The following HRH1 variants were observed in gnomAD, a reference collection of about 807,000 sequenced individuals.
HRH1 encodes histamine H1 receptor.
HRH1 carries 6 observed loss-of-function variants against 10.3 expected under a neutral mutation model. That is an observed-to-expected ratio of 0.58 (90% CI 0.32 to 1.15). HRH1 has a LOEUF of 1.15. Among genes scored for constraint, HRH1 ranks in the 50% most tolerant of loss-of-function variants. The pLI is 0.05. For missense variants in HRH1, 514 were observed against 615.3 expected (o/e 0.84, Z 1.74); for synonymous variants, 242 against 236.7 (o/e 1.02, Z -0.21).
intron 1 of HRH1, among the ~76,000 whole-genome samples, chr3:11,202,740 C>G (rs961215872): frequency 3.9e-5 from 6 of 152,206 alleles, no homozygotes; most frequent in African/African-American, 1.4e-4. Flanking sequence ...TTTGTTACCA[C>G]GGATGAGCCT....
intron 1 of HRH1, among the ~76,000 whole-genome samples, chr3:11,216,175 A>G (rs1397822290): frequency 1.3e-5 from 2 of 152,206 alleles, no homozygotes; most frequent in Non-Finnish European, 2.9e-5. Flanking sequence ...AAGGATGAGA[A>G]TCTAAAATGG....
intron 1 of HRH1, among the ~76,000 whole-genome samples, chr3:11,222,899 C>T (rs925823677): frequency 5.9e-5 from 9 of 152,054 alleles, no homozygotes; most frequent in East Asian, 1.9e-4. Flanking sequence ...AAAATGCAGA[C>T]GCTCCAGCCG....
chr3:11,139,015 T>G (rs1256510001), intron 1 of HRH1, among the ~76,000 whole-genome samples: 1 of 132,888 alleles, frequency 7.5e-6, no homozygotes, highest in Non-Finnish European at 1.6e-5. Flanking sequence ...TAGAAAGAAT[T>G]TTGCTCTTGT....
intron 1 of HRH1, among the ~76,000 whole-genome samples, chr3:11,229,745 G>T (rs932268200): frequency 6.6e-6 from 1 of 152,022 alleles, no homozygotes; most frequent in Admixed American, 6.5e-5. Context: ...TTGTCATCTT[G>T]TTTATGCCTA....
intron 1 of HRH1, among the ~76,000 whole-genome samples, chr3:11,178,677 T>C (rs545990929): frequency 6.6e-6 from 1 of 152,282 alleles, no homozygotes; most frequent in African/African-American, 2.4e-5. Context: ...CTTGCCTTGG[T>C]TGGGCCAACT....
At chr3:11,173,010 C>T (rs770898035) in intron 1 of HRH1, among the ~76,000 whole-genome samples, 4 of 152,090 alleles carry the variant, frequency 2.6e-5, no homozygotes, top group Non-Finnish European at 5.9e-5. Context: ...TTTTGGCGAA[C>T]CTTCTAGGAG....
chr3:11,217,963 C>T (rs559672197), intron 1 of HRH1, among the ~76,000 whole-genome samples: 4 of 152,236 alleles, frequency 2.6e-5, no homozygotes, highest in African/African-American at 9.6e-5. Flanking sequence ...TTGAACAGAA[C>T]CTCGAGTGTG....
intron 1 of HRH1, among the ~76,000 whole-genome samples, chr3:11,255,276 T>C (rs1939755561): frequency 6.6e-6 from 1 of 151,790 alleles, no homozygotes; most frequent in Non-Finnish European, 1.5e-5. Flanking sequence ...AAATAAAAAA[T>C]AACGTAAAAT....
intron 1 of HRH1, among the ~76,000 whole-genome samples, chr3:11,235,815 GTGT>G (rs1464708408): frequency 6.6e-6 from 1 of 152,220 alleles, no homozygotes; most frequent in Non-Finnish European, 1.5e-5. Flanking sequence ...AATAGAGCAG[GTGT>G]TGTCTAAAAG....
chr3:11,245,469 G>C (rs347587), intron 1 of HRH1, among the ~76,000 whole-genome samples: 2 of 152,046 alleles, frequency 1.3e-5, no homozygotes, highest in Non-Finnish European at 2.9e-5. Context: ...AGCTTGAGCT[G>C]ACCATTTCCT....
At chr3:11,183,722 C>CA (rs1553571015) in intron 1 of HRH1, among the ~76,000 whole-genome samples, 2 of 143,046 alleles carry the variant, frequency 1.4e-5, no homozygotes, top group Non-Finnish European at 3.1e-5. Flanking sequence ...CTGGAAATTT[C>CA]TTTTTTTTTT....
chr3:11,158,858 G>A (rs1936870651), intron 1 of HRH1, among the ~76,000 whole-genome samples: 1 of 152,128 alleles, frequency 6.6e-6, no homozygotes, highest in Admixed American at 6.5e-5. Flanking sequence ...AATTGTAAGA[G>A]GTACAAATAA....
At position 11,186,089 on chromosome 3, in the gene HRH1, G is replaced by T. The variant is rs556773604; in HGVS notation, c.-36+31535G>T. 5.3e-4 allele frequency among the ~76,000 whole-genome samples: 81 copies of T among 152,180 alleles called. 2 individuals are homozygous for T. In the South Asian group the frequency reaches 0.016, roughly 30 times the overall value. On this transcript the variant is annotated intron_variant, in intron 1 of 1. Transcript: ENST00000431010. The stretch of plus-strand genomic sequence containing the variant: ...TGCAGAGCCTCCAGTGGGTTCCTGG[G>T]CCCCTCCCAAGCAAGATCGAGCCCT...
intron 1 of HRH1, among the ~76,000 whole-genome samples, chr3:11,224,122 A>G (rs1938802598): frequency 6.6e-6 from 1 of 152,082 alleles, no homozygotes; most frequent in Non-Finnish European, 1.5e-5. Context: ...CAACCATCTC[A>G]TTTCACTCTT....
intron 1 of HRH1, among the ~76,000 whole-genome samples, chr3:11,254,706 C>T (rs1939740270): frequency 6.6e-6 from 1 of 152,138 alleles, no homozygotes; most frequent in Non-Finnish European, 1.5e-5. Flanking sequence ...AATGGGAATC[C>T]CAGATGAACC....
At chr3:11,185,705 C>T (rs1559263642) in intron 1 of HRH1, among the ~76,000 whole-genome samples, 1 of 152,156 alleles carries the variant, frequency 6.6e-6, no homozygotes, top group Admixed American at 6.5e-5. Context: ...ATGACAGTCC[C>T]TCCCTCCTGG....
At chr3:11,219,451 T>G (rs1255063932) in intron 1 of HRH1, among the ~76,000 whole-genome samples, 1 of 151,864 alleles carries the variant, frequency 6.6e-6, no homozygotes, top group Non-Finnish European at 1.5e-5. Flanking sequence ...CGGTGGCTCA[T>G]GCCTGTAATC....
chr3:11,239,082 A>G (rs1473101909), intron 1 of HRH1, among the ~76,000 whole-genome samples: 1 of 152,244 alleles, frequency 6.6e-6, no homozygotes, highest in East Asian at 1.9e-4. Context: ...TTGAAGAACT[A>G]TCAGATTGCT....
At chr3:11,232,135 G>C (rs1411507273) in intron 1 of HRH1, among the ~76,000 whole-genome samples, 1 of 151,762 alleles carries the variant, frequency 6.6e-6, no homozygotes. Context: ...ATACAGGTGC[G>C]TGCCACCGTG....
Sources: gnomAD v4.1 joint callset for allele counts (sites outside exome capture counted in the v4.1 genomes callset) on GRCh38, gnomAD v4.1.1 for gene constraint, MANE v1.5 for transcripts, NCBI Gene and HGNC (gene_info 2026-07-23, HGNC 2026-07-21) for gene names.